SI: variants seen among roughly 807,000 people sequenced by gnomAD.
SI encodes the protein sucrase-isomaltase.
In SI, 235 loss-of-function variants were observed where a neutral mutation model predicts 253.3. The ratio of observed to expected loss-of-function variants is 0.93; its 90% CI spans 0.83 to 1.03. SI has a LOEUF of 1.03. SI is among the 50% of genes least tolerant of loss of function. SI has a pLI of 0.00. For missense variants in SI, 2,442 were observed against 2,211.1 expected (o/e 1.10, Z -2.09); for synonymous variants, 819 against 712.0 (o/e 1.15, Z -2.39).
intron 45 of SI, among the ~76,000 whole-genome samples, chr3:164,986,514 C>G (rs914492514): frequency 6.6e-6 from 1 of 152,142 alleles, no homozygotes; most frequent in African/African-American, 2.4e-5. Context: ...TTTCCATTAG[C>G]TTATACACTT....
intron 15 of SI, among the ~76,000 whole-genome samples, chr3:165,048,295 T>G (rs898239004): frequency 1.1e-4 from 17 of 151,908 alleles, no homozygotes; most frequent in African/African-American, 4.1e-4. Context: ...AACATATGAT[T>G]GTTTTCTTCT....
chr3:165,025,563 G>A (rs940361926), intron 25 of SI, among the ~76,000 whole-genome samples: 5 of 151,136 alleles, frequency 3.3e-5, no homozygotes, highest in African/African-American at 1.2e-4. Context: ...GTTATCTAAA[G>A]TTAAGATGAA....
intron 23 of SI, 133 bp from the exon 24 acceptor site, chr3:165,032,825 G>T: frequency 1.7e-6 from 1 of 585,790 alleles, no homozygotes; most frequent in Non-Finnish European, 3.0e-6. Context: ...CATCCAAGTA[G>T]CACATAGAAA....
intron 1 of SI, among the ~76,000 whole-genome samples, chr3:165,077,068 T>C (rs1182948585): frequency 6.6e-6 from 1 of 151,386 alleles, no homozygotes; most frequent in Non-Finnish European, 1.5e-5. Context: ...AACACCTTTT[T>C]TTCCTTCTTC....
chr3:165,028,355 A>T (rs1189051512), intron 25 of SI, among the ~76,000 whole-genome samples: 1 of 151,366 alleles, frequency 6.6e-6, no homozygotes, highest in Non-Finnish European at 1.5e-5. Flanking sequence ...TGTGAAAATG[A>T]CCATACTGCC....
At chr3:165,009,243 A>G (rs1396899374) in intron 35 of SI, 36 bp downstream of exon 35, 2 of 1,388,608 alleles carry the variant, frequency 1.4e-6, no homozygotes, top group Non-Finnish European at 2.1e-6. Context: ...TGCACAATAA[A>G]TAACTTAAAA....
At chr3:165,033,848 A>T (rs1049392512) in intron 22 of SI, among the ~76,000 whole-genome samples, 5 of 151,316 alleles carry the variant, frequency 3.3e-5, no homozygotes, top group African/African-American at 1.2e-4. Flanking sequence ...GCATCTTTTT[A>T]TTTTTTTCTA....
intron 28 of SI, 97 bp from the exon 29 acceptor site, chr3:165,018,163 A>G: frequency 1.3e-6 from 1 of 759,194 alleles, no homozygotes; most frequent in Non-Finnish European, 2.3e-6. Flanking sequence ...TCGAGACTTG[A>G]TATTTAAATT....
rs528201610 is a variant in SI at position 165,048,565 on chromosome 3, A to ATG, written c.1715+560_1715+561dup. On this transcript the variant is annotated intron_variant, in intron 15 of 47. Coordinates refer to ENST00000264382, the MANE Select transcript of SI (RefSeq NM_001041.4). ...GTTAAATATATATATACATATATAT[A>ATG]TGTATATATATATATATATAGAGAG... 1.4e-3 allele frequency among the ~76,000 whole-genome samples: 93 copies of ATG among 68,832 alleles called. 1 individual carries two copies. In the South Asian group the frequency reaches 0.023, roughly 17 times the overall value. 45.2% of individuals were successfully genotyped at this position (68,832 alleles called of 152,430 possible). A position where few individuals can be genotyped will look rare whatever the true frequency, so the allele number is the denominator to read the frequency against.
intron 26 of SI, among the ~76,000 whole-genome samples, chr3:165,022,240 G>A (rs1431376296): frequency 5.9e-5 from 9 of 151,306 alleles, no homozygotes; most frequent in African/African-American, 2.2e-4. Context: ...GTTTTTTGAT[G>A]TGAAAACATA....
At chr3:165,018,171 A>C (rs1252830888) in intron 28 of SI, 105 bp from the exon 29 acceptor site, 1 of 732,474 alleles carries the variant, frequency 1.4e-6, no homozygotes, top group Non-Finnish European at 2.4e-6. Flanking sequence ...TGATATTTAA[A>C]TTCCCGTTTC....
At position 165,043,039 on chromosome 3, in the gene SI, G is replaced by A. The variant is rs776132864; in HGVS notation, c.2004+20C>T. 8.0e-6 allele frequency: 11 copies of A among 1,378,018 alleles called. No individual in the cohort carries two copies. In the East Asian group the frequency reaches 2.3e-4, roughly 29 times the overall value. 85.4% of individuals were successfully genotyped at this position (1,378,018 alleles called of 1,614,324 possible). Reference sequence around the variant, plus strand: ...ATGGTTGTTTTTTATTTCGCAACATGGAGAACAAGAGGCTCTTACTTCATA... The same window carrying A: ...ATGGTTGTTTTTTATTTCGCAACATAGAGAACAAGAGGCTCTTACTTCATA... On this transcript the variant is annotated intron_variant, in intron 17 of 47. Transcript: ENST00000264382.
chr3:165,031,142 G>T (rs1712215639), intron 24 of SI, among the ~76,000 whole-genome samples: 1 of 149,114 alleles, frequency 6.7e-6, no homozygotes, highest in South Asian at 2.1e-4. Context: ...CTATAATTGG[G>T]ATTTCAAAAT....
rs138272753 is a variant in SI at position 164,986,578 on chromosome 3, A to G, written c.5197+560T>C. 1.9e-4 allele frequency among the ~76,000 whole-genome samples: 29 copies of G among 152,322 alleles called. 1 individual carries two copies. In the East Asian group the frequency reaches 5.4e-3, roughly 28 times the overall value. ...TTCCTGTTTCATTGAACCTAAGAAT[A>G]AAGCCTGAGAGCATTCTCTGTATCT... On this transcript the variant is annotated intron_variant, in intron 45 of 47. Transcript: ENST00000264382.
chr3:165,080,977 C>T (rs975284465), upstream of SI, among the ~76,000 whole-genome samples: 6 of 151,828 alleles, frequency 4.0e-5, no homozygotes, highest in African/African-American at 1.5e-4. Context: ...CCTTCTATTT[C>T]GTATCGTTAT....
At chr3:165,056,613 C>A (rs371606566) in intron 12 of SI, among the ~76,000 whole-genome samples, 1 of 152,084 alleles carries the variant, frequency 6.6e-6, no homozygotes, top group Non-Finnish European at 1.5e-5. Context: ...GAAGGGAGAG[C>A]AAAGTGATTG....
intron 34 of SI, among the ~76,000 whole-genome samples, chr3:165,010,361 A>T (rs563893200): frequency 3.8e-4 from 58 of 152,196 alleles, no homozygotes; most frequent in African/African-American, 1.3e-3. Flanking sequence ...GGGTTTCACC[A>T]TGTTGGTCAG....
chr3:165,020,592 G>A (rs1014536361), intron 27 of SI, among the ~76,000 whole-genome samples: 8 of 151,470 alleles, frequency 5.3e-5, no homozygotes, highest in Non-Finnish European at 8.9e-5. Flanking sequence ...TCCAGATATA[G>A]TTTTAGATAT....
intron 15 of SI, among the ~76,000 whole-genome samples, chr3:165,047,861 A>G (rs1361245048): frequency 6.7e-6 from 1 of 148,412 alleles, no homozygotes; most frequent in African/African-American, 2.5e-5. Flanking sequence ...TTTATTTTCT[A>G]GAAGTTAACC....
Sources: allele counts gnomAD v4.1 joint callset (sites outside exome capture counted in the v4.1 genomes callset), GRCh38; gene constraint gnomAD v4.1.1; transcripts MANE v1.5; gene names NCBI Gene and HGNC (gene_info 2026-07-23, HGNC 2026-07-21).